RAP1GAP2: variants seen among roughly 807,000 people sequenced by gnomAD.
RAP1GAP2 encodes the protein rap1 GTPase-activating protein 2.
Under a neutral mutation model 95.0 loss-of-function variants are expected in RAP1GAP2, and 27 were observed. That is an observed-to-expected ratio of 0.28 (90% confidence interval 0.21 to 0.39). The LOEUF is 0.39. Among genes scored for constraint, RAP1GAP2 ranks in the 10% least tolerant of loss-of-function variants. RAP1GAP2 has a pLI of 1.00. For missense variants in RAP1GAP2, 771 were observed against 970.0 expected (o/e 0.79, Z 2.72); for synonymous variants, 373 against 380.9 (o/e 0.98, Z 0.24).
intron 3 of RAP1GAP2, among the ~76,000 whole-genome samples, chr17:2,948,222 G>T (rs1295408179): frequency 6.6e-6 from 1 of 152,210 alleles, no homozygotes; most frequent in South Asian, 2.1e-4. Flanking sequence ...GTGAACATGA[G>T]TGTGTGGTGC....
chr17:2,799,652 C>T (rs949405533), intron 1 of RAP1GAP2, among the ~76,000 whole-genome samples: 5 of 152,244 alleles, frequency 3.3e-5, no homozygotes, highest in African/African-American at 9.6e-5. Flanking sequence ...GATGGTGACA[C>T]GAATCGTGAT....
intron 17 of RAP1GAP2, among the ~76,000 whole-genome samples, chr17:3,010,870 A>G (rs1413986242): frequency 6.6e-6 from 1 of 152,156 alleles, no homozygotes; most frequent in Admixed American, 6.5e-5. Flanking sequence ...TGTGACAGTC[A>G]CACAGAGTAA....
intron 2 of RAP1GAP2, among the ~76,000 whole-genome samples, chr17:2,832,946 C>T (rs1313139607): frequency 6.6e-6 from 1 of 151,980 alleles, no homozygotes; most frequent in East Asian, 1.9e-4. Flanking sequence ...CCACTGCACT[C>T]CAGCCCGGGT....
At chr17:2,879,713 G>GA (rs2073220423) in intron 2 of RAP1GAP2, among the ~76,000 whole-genome samples, 1 of 139,658 alleles carries the variant, frequency 7.2e-6, no homozygotes, top group African/African-American at 2.7e-5. Flanking sequence ...GCGACAGGGC[G>GA]AGACTCCATC....
rs751429826 is a variant in RAP1GAP2 at position 2,998,351 on chromosome 17, C to A, written c.1175C>A (p.Pro392Gln). ...HAYIVVQVET[P>Q]GTETPSYKVS... is the part of the protein sequence containing the mutation. Reference sequence around the variant, plus strand: ...TACATCGTCGTGCAGGTCGAGACCCCAGGCACAGAGACCCCATCCTACAAG... The same window carrying A: ...TACATCGTCGTGCAGGTCGAGACCCAAGGCACAGAGACCCCATCCTACAAG... The change falls in exon 14 of 25, where the codon CCA (proline) becomes CAA (glutamine). Residue 392 changes from proline (P) to glutamine (Q), a missense_variant. Transcript: ENST00000254695. The A allele has an allele frequency of 6.2e-7, 1 of 1,613,996 alleles. No individual in the cohort carries two copies. Among genetic ancestry groups the A allele is most frequent in the Non-Finnish European group, 8.5e-7 (1 of 1,179,898 alleles).
In RAP1GAP2 at chr17:2,892,899, A is replaced by G. The variant is rs151199074; in HGVS notation, c.81-12385A>G. Among the ~76,000 whole-genome samples the G allele has an allele frequency of 8.9e-3, 1,349 of 151,958 alleles. 17 individuals carry two copies. Among genetic ancestry groups the G allele is most frequent in the Non-Finnish European group, 0.014 (944 of 67,918 alleles). On this transcript the variant is annotated intron_variant, in intron 2 of 24. Coordinates refer to ENST00000254695, the MANE Select transcript of RAP1GAP2 (RefSeq NM_015085.5). ...TCCCCTCCCCTTTCTCTTTCTGGGA[A>G]CTTTCTTGGTCGGCTATTTGATCTT... is the stretch of plus-strand genomic sequence containing the variant.
rs1000346755 is a variant in RAP1GAP2, at chr17:2,870,815, C to G, written c.81-34469C>G. 5.9e-5 allele frequency among the ~76,000 whole-genome samples: 9 copies of G among 152,178 alleles called. No homozygotes were observed. The highest frequency in any genetic ancestry group is 2.2e-4 in the African/African-American group (9 of 41,434). On this transcript the variant is annotated intron_variant, in intron 2 of 24. Coordinates refer to ENST00000254695, the MANE Select transcript of RAP1GAP2 (RefSeq NM_015085.5). This position sits in a 1 kb window ranked among gnomAD's most constrained non-coding sequence, Gnocchi z 4.4. ...GGTTGGGCCTCAGAAACAGCTGGAT[C>G]CAGGGGCATTGGCAGAACTCCTCTC...
chr17:2,916,505 A>T (rs2042573478), intron 3 of RAP1GAP2, among the ~76,000 whole-genome samples: 1 of 152,180 alleles, frequency 6.6e-6, no homozygotes, highest in Admixed American at 6.5e-5. Flanking sequence ...CAGAGCCAGG[A>T]TGTGGGCTCA....
intron 8 of RAP1GAP2, among the ~76,000 whole-genome samples, chr17:2,966,650 G>A (rs1221602844): frequency 6.6e-6 from 1 of 152,148 alleles, no homozygotes; most frequent in Non-Finnish European, 1.5e-5. Context: ...TATCAAGAAA[G>A]GAAGCAATTT....
At chr17:2,796,078 G>A (rs936065536), upstream of RAP1GAP2, among the ~76,000 whole-genome samples, 6 of 152,150 alleles carry the variant, frequency 3.9e-5, no homozygotes, top group African/African-American at 7.2e-5. The surrounding 1 kb of genome is among the most constrained non-coding windows in gnomAD (Gnocchi z 4.7). Flanking sequence ...GGCAGCCCTC[G>A]GGAGTGGGTG....
intron 1 of RAP1GAP2, chr17:2,777,428 G>A (rs72817351): frequency 0.013 from 1,999 of 152,456 alleles, 31 homozygotes; most frequent in Admixed American, 0.025. Context: ...GTGGGCTGCC[G>A]GCTGAGAGGC....
At chr17:2,844,688 C>G (rs1016033459) in intron 2 of RAP1GAP2, among the ~76,000 whole-genome samples, 3 of 152,130 alleles carry the variant, frequency 2.0e-5, no homozygotes, top group African/African-American at 7.2e-5. Context: ...ATTAACACAT[C>G]AGTGACTCAG....
chr17:2,949,560 T>C (rs1015457479), intron 3 of RAP1GAP2, among the ~76,000 whole-genome samples: 6 of 152,078 alleles, frequency 3.9e-5, no homozygotes, highest in Admixed American at 3.9e-4. Flanking sequence ...CCCTGAGCAT[T>C]AACTGAGTGC....
rs771205068 is a variant in RAP1GAP2 at position 2,963,380 on chromosome 17, T to TTACGGGCACTGCCGGGAC, written c.247-47_247-30dup. On this transcript the variant is annotated intron_variant, in intron 5 of 24. Transcript: ENST00000254695. This position sits in a 1 kb window ranked among gnomAD's most constrained non-coding sequence, Gnocchi z 4.8. ...AAGACCTGGAAACAGTGGTCAGACT[T>TTACGGGCACTGCCGGGAC]TACGGGCACTGCCGGGACTAACGGT... is the stretch of plus-strand genomic sequence containing the variant. 6.2e-7 allele frequency: 1 copy of TTACGGGCACTGCCGGGAC among 1,608,850 alleles called. No homozygotes were observed. The highest frequency in any genetic ancestry group is 1.3e-5 in the African/African-American group (1 of 74,690).
Position 2,998,233 on chromosome 17 carries a change from A to C in RAP1GAP2, c.1057A>C (p.Arg353=). 1 of 1,613,952 alleles carries C rather than the reference A, an allele frequency of 6.2e-7. No homozygotes were observed. The highest frequency in any genetic ancestry group is 1.3e-5 in the African/African-American group (1 of 75,066). Residue 353 remains arginine, a synonymous_variant, in exon 14 of 25, where the codon AGA becomes CGA. Transcript: ENST00000254695. ...DGDAQQLQRK[R]HIGNDIVAII... ...ACTTTTTATTTAGCTCCAGAGAAAG[A>C]GACACATTGGAAATGACATCGTGGC... is the stretch of plus-strand genomic sequence containing the variant.
At chr17:2,909,714 G>C (rs1280929922) in intron 3 of RAP1GAP2, among the ~76,000 whole-genome samples, 1 of 152,130 alleles carries the variant, frequency 6.6e-6, no homozygotes, top group African/African-American at 2.4e-5. Flanking sequence ...CCCGTGTTCT[G>C]TCCTTCTCCC....
At chr17:2,811,103 T>C (rs935800814) in intron 2 of RAP1GAP2, among the ~76,000 whole-genome samples, 2 of 152,134 alleles carry the variant, frequency 1.3e-5, no homozygotes, top group Non-Finnish European at 2.9e-5. Flanking sequence ...CTGCAGACAC[T>C]GGAAGGCTGC....
At position 3,035,839 on chromosome 17, in the gene RAP1GAP2, A is replaced by G. The variant is rs2047453802; in HGVS notation, c.*2478A>G. 1 of 152,136 alleles carries G rather than the reference A, an allele frequency of 6.6e-6. No individual in the cohort carries two copies. Among genetic ancestry groups the G allele is most frequent in the Non-Finnish European group, 1.5e-5 (1 of 68,046 alleles). The allele number at this position is 152,136 out of a possible 1,614,324, so 9.4% of individuals were successfully genotyped here. A position where few individuals can be genotyped will look rare whatever the true frequency, so the allele number is the denominator to read the frequency against. On this transcript the variant is annotated 3_prime_UTR_variant, in exon 25 of 25. Transcript: ENST00000254695. The surrounding 1 kb of genome is among the most constrained non-coding windows in gnomAD (Gnocchi z 4.3). Reference sequence around the variant, plus strand: ...TGTCCCTACATCTGCTCTGATCTAAAATGTCTTTCCTTTTATGCTGCGCCC... The same window carrying G: ...TGTCCCTACATCTGCTCTGATCTAAGATGTCTTTCCTTTTATGCTGCGCCC...
chr17:2,988,723 G>C (rs1300106171), intron 11 of RAP1GAP2, among the ~76,000 whole-genome samples: 1 of 152,182 alleles, frequency 6.6e-6, no homozygotes, highest in East Asian at 1.9e-4. Flanking sequence ...TACATGCTTA[G>C]GAATACACCT....
Sources: gnomAD v4.1 joint callset for allele counts (sites outside exome capture counted in the v4.1 genomes callset) on GRCh38, gnomAD v4.1.1 for gene constraint, Gnocchi (gnomAD v3.1) non-coding constraint, MANE v1.5 for transcripts, NCBI Gene and HGNC (gene_info 2026-07-23, HGNC 2026-07-21) for gene names.